The following SCML1 variants were observed in gnomAD, a reference collection of about 807,000 sequenced individuals.
SCML1 encodes sex comb on midleg-like protein 1.
For synonymous variants in SCML1, 104 were observed against 103.6 expected, an observed-to-expected ratio of 1.00 and a Z score of -0.02; for missense variants, 137 against 258.1, an observed-to-expected ratio of 0.53 and a Z score of 3.22.
chrX:17,754,244 T>C lies in SCML1; in HGVS notation c.*852T>C, dbSNP rs1367059901. On this transcript the variant is annotated 3_prime_UTR_variant, in exon 8 of 8. Coordinates refer to ENST00000380041, the MANE Select transcript of SCML1 (RefSeq NM_001037540.3). ...TTTATGTGTTTATTCTTTATATAGA[T>C]AGTATTTTATATTTTATTCTCACCC... 8.9e-6 allele frequency: 1 copy of C among 112,408 alleles called. No individual in the cohort carries two copies. Among genetic ancestry groups the C allele is most frequent in the Non-Finnish European group, 1.9e-5 (1 of 53,227 alleles). The allele number at this position is 112,408 out of a possible 1,213,427, so 9.3% of individuals were successfully genotyped here. A position where few individuals can be genotyped will look rare whatever the true frequency, so the allele number is the denominator to read the frequency against.
At chrX:17,738,653 G>A (rs2066564497) in intron 1 of SCML1, among the ~76,000 whole-genome samples, 2 of 111,882 alleles carry the variant, frequency 1.8e-5, no homozygotes, top group South Asian at 7.7e-4. Context: ...GCCTCATTGT[G>A]AGCTGTGCCT....
At chrX:17,748,919 A>G (rs1000705215) in intron 4 of SCML1, among the ~76,000 whole-genome samples, 1 of 112,676 alleles carries the variant, frequency 8.9e-6, no homozygotes, top group African/African-American at 3.2e-5. Context: ...CAAAAGTCAC[A>G]TCTGTTATAT....
intron 1 of SCML1, among the ~76,000 whole-genome samples, chrX:17,738,141 C>T (rs2066557279): frequency 8.9e-6 from 1 of 112,689 alleles, no homozygotes; most frequent in African/African-American, 3.2e-5. Context: ...GACTGTGCAG[C>T]TTCGCTGTTT....
intron 1 of SCML1, among the ~76,000 whole-genome samples, chrX:17,738,530 C>T (rs764101529): frequency 1.8e-3 from 205 of 111,997 alleles, no homozygotes; most frequent in African/African-American, 6.0e-3. Context: ...GTTCTGGCGG[C>T]AAAGGAAGGG....
At position 17,744,107 on chromosome X, in the gene SCML1, A is replaced by T; in HGVS notation, c.-80A>T. 3 of 879,397 alleles carry T rather than the reference A, an allele frequency of 3.4e-6. No individual in the cohort carries two copies. The highest frequency in any genetic ancestry group is 3.3e-6 in the Non-Finnish European group (2 of 600,331). The allele number at this position is 879,397 out of a possible 1,213,427, so 72.5% of individuals were successfully genotyped here. On this transcript the variant is annotated 5_prime_UTR_variant, in exon 2 of 8. Coordinates refer to ENST00000380041, the MANE Select transcript of SCML1 (RefSeq NM_001037540.3). ...TACCACTCTTAGGTGACTAAGCAGT[A>T]TCACAAATAAACCCTCCAGCAAGTT... is the stretch of plus-strand genomic sequence containing the variant.
At chrX:17,749,626 G>A (rs1213838231) in intron 5 of SCML1, 122 bp downstream of exon 5, 6 of 508,968 alleles carry the variant, frequency 1.2e-5, no homozygotes, top group South Asian at 3.6e-5. Context: ...GTCTATACTT[G>A]TAACAGTAGA....
At chrX:17,743,678 G>C (rs1248498932) in intron 1 of SCML1, among the ~76,000 whole-genome samples, 1 of 111,551 alleles carries the variant, frequency 9.0e-6, no homozygotes, top group Non-Finnish European at 1.9e-5. Context: ...TAGTCGGGGG[G>C]GACCCAATCC....
chrX:17,742,251 G>C (rs2066602533), intron 1 of SCML1, among the ~76,000 whole-genome samples: 1 of 111,902 alleles, frequency 8.9e-6, no homozygotes, highest in Admixed American at 9.5e-5. Flanking sequence ...TTGATACCAA[G>C]TGTTAATAAT....
intron 1 of SCML1, among the ~76,000 whole-genome samples, chrX:17,742,337 G>A (rs1349414544): frequency 8.9e-6 from 1 of 111,981 alleles, no homozygotes; most frequent in East Asian, 2.8e-4. Flanking sequence ...AAATAGAGAT[G>A]CAAACAATTT....
At chrX:17,738,922 G>T (rs2066567525) in intron 1 of SCML1, among the ~76,000 whole-genome samples, 1 of 112,243 alleles carries the variant, frequency 8.9e-6, no homozygotes, top group African/African-American at 3.2e-5. Context: ...AGAAAATGTT[G>T]TAAAGCTGTA....
chrX:17,740,162 T>G (rs1267629123), intron 1 of SCML1, among the ~76,000 whole-genome samples: 1 of 111,898 alleles, frequency 8.9e-6, no homozygotes, highest in Non-Finnish European at 1.9e-5. Flanking sequence ...GTTAGAAAAT[T>G]TGAGGCACAG....
At chrX:17,738,042 A>G (rs779266205) in intron 1 of SCML1, 10 of 112,504 alleles carry the variant, frequency 8.9e-5, no homozygotes, top group African/African-American at 3.2e-4. Flanking sequence ...AAGAATTGAC[A>G]AACTCCCGAG....
At position 17,750,052 on chromosome X, in the gene SCML1, T is replaced by A. The variant is rs1302209559; in HGVS notation, c.462T>A (p.Leu154=). The A allele has an allele frequency of 8.3e-7, 1 of 1,211,744 alleles. No homozygotes were observed. The highest frequency in any genetic ancestry group is 2.2e-5 in the Admixed American group (1 of 46,034). ...SRRENNSPSN[L]PRPSFCMEEY... ...GTGAGAATAATTCCCCGAGCAACCT[T>A]CCAAGGCCATCCTTTTGCATGGAAG... The change falls in exon 6 of 8, where the codon CTT becomes CTA. Residue 154 remains leucine, a synonymous_variant. Transcript: ENST00000380041.
intron 7 of SCML1, among the ~76,000 whole-genome samples, chrX:17,752,627 G>T (rs1178095020): frequency 8.9e-6 from 1 of 112,198 alleles, no homozygotes; most frequent in African/African-American, 3.2e-5. Context: ...ATATGCTTCA[G>T]CAGCATAAGT....
In SCML1 at chrX:17,750,208, T is replaced by A; in HGVS notation, c.618T>A (p.Ser206=). Residue 206 remains serine (S), a synonymous_variant, in exon 6 of 8, where the codon TCT becomes TCA. Transcript: ENST00000380041. ...YASDGATYGS[S]SGLCLGNPRA... is the part of the protein sequence containing the mutation. ...CTGATGGTGCAACGTATGGTTCTTCTTCAGGGCTCTGCCTTGGCAACCCTC... is the reference window on the plus strand; with the variant it reads ...CTGATGGTGCAACGTATGGTTCTTCATCAGGGCTCTGCCTTGGCAACCCTC... 8.3e-7 allele frequency: 1 copy of A among 1,212,021 alleles called. No homozygotes were observed. Among genetic ancestry groups the A allele is most frequent in the East Asian group, 3.0e-5 (1 of 33,852 alleles).
In SCML1 at chrX:17,753,559, T is replaced by C. The variant is rs1309580793; in HGVS notation, c.*167T>C. 2 of 313,810 alleles carry C rather than the reference T, an allele frequency of 6.4e-6. No individual in the cohort carries two copies. The highest frequency in any genetic ancestry group is 1.1e-5 in the Non-Finnish European group (2 of 186,567). 25.9% of individuals were successfully genotyped at this position (313,810 alleles called of 1,213,427 possible). Reference sequence around the variant, plus strand: ...ACTATGTTATAGTCCAGTCTACTTCTTTAAAAACCATTTAAACTGCTAGAT... The same window carrying C: ...ACTATGTTATAGTCCAGTCTACTTCCTTAAAAACCATTTAAACTGCTAGAT... On this transcript the variant is annotated 3_prime_UTR_variant, in exon 8 of 8. Transcript: ENST00000380041.
rs750729658 is a variant in SCML1 at position 17,749,558 on chromosome X, G to A, written c.303+54G>A. The A allele has an allele frequency of 1.2e-4, 93 of 757,932 alleles. No individual in the cohort carries two copies. In the African/African-American group the frequency reaches 1.8e-3, roughly 15 times the overall value. The allele number at this position is 757,932 out of a possible 1,213,427, so 62.5% of individuals were successfully genotyped here. A position where few individuals can be genotyped will look rare whatever the true frequency, so the allele number is the denominator to read the frequency against. The stretch of plus-strand genomic sequence containing the variant: ...CTGTGATAAACCTCTGGTTTGTAAA[G>A]ATGCCAATGAGCTAGAAGTGAGAGA... On this transcript the variant is annotated intron_variant, in intron 5 of 7. Transcript: ENST00000380041.
chrX:17,750,263 A>G lies in SCML1; in HGVS notation c.673A>G (p.Thr225Ala). The G allele has an allele frequency of 1.7e-6, 2 of 1,208,243 alleles. No individual in the cohort carries two copies. Among genetic ancestry groups the G allele is most frequent in the East Asian group, 3.0e-5 (1 of 33,782 alleles). ...RADSIHNTYS[T>A]DHASAAPPSV... ...TGACAGCATCCACAACACTTACTCAACTGACCATGCTTCTGCAGCACCACC... is the reference window on the plus strand; with the variant it reads ...TGACAGCATCCACAACACTTACTCAGCTGACCATGCTTCTGCAGCACCACC... Residue 225 changes from threonine (T) to alanine (A), a missense_variant, in exon 6 of 8, where the codon ACT becomes GCT. By Grantham distance (58) the Thr-to-Ala change is moderately conservative. Coordinates refer to ENST00000380041, the MANE Select transcript of SCML1 (RefSeq NM_001037540.3).
intron 1 of SCML1, among the ~76,000 whole-genome samples, chrX:17,739,786 T>A (rs1362603855): frequency 2.0e-5 from 2 of 102,085 alleles, no homozygotes; most frequent in Non-Finnish European, 3.9e-5. Flanking sequence ...GAGGCAGAGG[T>A]TGCAGTAAGC....
Sources: allele counts gnomAD v4.1 joint callset (sites outside exome capture counted in the v4.1 genomes callset), GRCh38; gene constraint gnomAD v4.1.1; transcripts MANE v1.5; gene names NCBI Gene and HGNC (gene_info 2026-07-23, HGNC 2026-07-21).